Variants in CRLF3 observed in about 807,000 individuals in gnomAD.
CRLF3 encodes cytokine receptor-like factor 3.
In CRLF3, 33 loss-of-function variants were observed where a neutral mutation model predicts 55.0. The observed-to-expected ratio is 0.60, with a 90% CI of 0.46 to 0.80. CRLF3 has a LOEUF of 0.80. Among genes scored for constraint, CRLF3 ranks in the 30% least tolerant of loss-of-function variants. The pLI is 0.00. For synonymous variants in CRLF3, 238 were observed against 196.8 expected (o/e 1.21, Z -1.75); for missense variants, 494 against 538.4 (o/e 0.92, Z 0.82).
Position 30,798,592 on chromosome 17 carries a change from A to G in CRLF3, c.338-1194T>C, listed in dbSNP as rs538621765. Among the ~76,000 whole-genome samples the G allele has an allele frequency of 7.2e-5, 11 of 152,228 alleles. No homozygotes were observed. The South Asian group carries it at 2.1e-3, about 29-fold the overall frequency. ...TGTGGCTCATGCCTATAATCTCAGC[A>G]CTTTGGCAGGCTGAGGCTGGTGGGT... On this transcript the variant is annotated intron_variant, in intron 2 of 7. Coordinates refer to ENST00000324238, the MANE Select transcript of CRLF3 (RefSeq NM_015986.4).
Position 30,804,078 on chromosome 17 carries a change from C to T in CRLF3, c.160G>A (p.Val54Ile), listed in dbSNP as rs756235929. Residue 54 changes from valine to isoleucine, a missense_variant, in exon 2 of 8, where the codon GTT becomes ATT. By Grantham distance (29) the Val-to-Ile change is conservative (BLOSUM62 3). Transcript: ENST00000324238. ...IKESASQTRDVLKQHFNDLKG... is the reference protein window; with the variant it reads ...IKESASQTRDILKQHFNDLKG... ...AAATCATTAAAATGCTGTTTGAGAA[C>T]ATCCCTTGTCTGTGATGCACTTTCT... is the stretch of plus-strand genomic sequence containing the variant. The T allele has an allele frequency of 3.7e-6, 6 of 1,613,572 alleles. No individual in the cohort carries two copies. In the Admixed American group the frequency reaches 1.0e-4, roughly 27 times the overall value.
chr17:30,822,356 T>G (rs957606806), intron 1 of CRLF3, among the ~76,000 whole-genome samples: 3 of 152,148 alleles, frequency 2.0e-5, no homozygotes, highest in Admixed American at 6.6e-5. Flanking sequence ...AACCCAAACA[T>G]GCACAATCCA....
intron 2 of CRLF3, among the ~76,000 whole-genome samples, chr17:30,798,183 T>A (rs1039882278): frequency 4.0e-5 from 6 of 151,788 alleles, no homozygotes; most frequent in African/African-American, 1.5e-4. Flanking sequence ...ATCAAGACCA[T>A]CCTGGCCAAC....
chr17:30,796,593 A>G (rs1971921969), intron 3 of CRLF3, among the ~76,000 whole-genome samples: 1 of 152,234 alleles, frequency 6.6e-6, no homozygotes, highest in Non-Finnish European at 1.5e-5. Flanking sequence ...CTCCATTTCA[A>G]CAATACATTG....
rs1164221265 is a variant in CRLF3 at position 30,783,867 on chromosome 17, CT to C, written c.*319del. On this transcript the variant is annotated 3_prime_UTR_variant, in exon 8 of 8. Coordinates refer to ENST00000324238, the MANE Select transcript of CRLF3 (RefSeq NM_015986.4). ...AAAAATAATATTACATTAAGTTTTC[CT>C]GGTCTAATAACCAACTTTGAGAAGT... The C allele has an allele frequency of 9.3e-6, 2 of 215,224 alleles. No homozygotes were observed. 13.3% of individuals were successfully genotyped at this position (215,224 alleles called of 1,614,324 possible). A position where few individuals can be genotyped will look rare whatever the true frequency, so the allele number is the denominator to read the frequency against.
At chr17:30,798,381 C>T (rs540270712) in intron 2 of CRLF3, among the ~76,000 whole-genome samples, 26 of 145,948 alleles carry the variant, frequency 1.8e-4, no homozygotes, top group Admixed American at 1.5e-3. Context: ...CCGTCCCCCC[C>T]GCCAAAAAAA....
At chr17:30,794,133 C>A (rs1433131126) in intron 4 of CRLF3, among the ~76,000 whole-genome samples, 1 of 152,154 alleles carries the variant, frequency 6.6e-6, no homozygotes, top group East Asian at 1.9e-4. Context: ...TGCGCCTGGG[C>A]TCCCTTCTTT....
chr17:30,802,682 C>T (rs1286640016), intron 2 of CRLF3, among the ~76,000 whole-genome samples: 1 of 151,914 alleles, frequency 6.6e-6, no homozygotes, highest in East Asian at 1.9e-4. Context: ...TTCAGCCTCC[C>T]AAAGTGCTGG....
rs1444791202 is a variant in CRLF3, at chr17:30,782,962, ATTATTTT to A, written c.*1218_*1224del. 1 of 152,204 alleles carries A rather than the reference ATTATTTT, an allele frequency of 6.6e-6. No individual in the cohort carries two copies. Among genetic ancestry groups the A allele is most frequent in the Non-Finnish European group, 1.5e-5 (1 of 68,038 alleles). 9.4% of individuals were successfully genotyped at this position (152,204 alleles called of 1,614,324 possible). A position where few individuals can be genotyped will look rare whatever the true frequency, so the allele number is the denominator to read the frequency against. On this transcript the variant is annotated 3_prime_UTR_variant, in exon 8 of 8. Coordinates refer to ENST00000324238, the MANE Select transcript of CRLF3 (RefSeq NM_015986.4). ...AATCTGTAGGGTGGCATAGAAGACA[ATTATTTT>A]TACATATTAAAGTCCTTCAAATAAA... is the stretch of plus-strand genomic sequence containing the variant.
intron 1 of CRLF3, among the ~76,000 whole-genome samples, chr17:30,820,610 G>A (rs1482139280): frequency 6.6e-6 from 1 of 152,030 alleles, no homozygotes; most frequent in African/African-American, 2.4e-5. Flanking sequence ...TGGCCAACAT[G>A]GTGAAACCCT....
Position 30,824,654 on chromosome 17 carries a change from G to A in CRLF3, c.-3C>T. On this transcript the variant is annotated 5_prime_UTR_variant, in exon 1 of 8. Coordinates refer to ENST00000324238, the MANE Select transcript of CRLF3 (RefSeq NM_015986.4). Reference sequence around the variant, plus strand: ...TCCAGCTCCATCGCCCCCCTCATCTGGCCGCGCGGCCGGCGAAACCTAGCG... The same window carrying A: ...TCCAGCTCCATCGCCCCCCTCATCTAGCCGCGCGGCCGGCGAAACCTAGCG... 4 of 1,587,938 alleles carry A rather than the reference G, an allele frequency of 2.5e-6. No homozygotes were observed. In the South Asian group the frequency reaches 3.4e-5, roughly 13 times the overall value.
chr17:30,805,621 G>A (rs1393113424), intron 1 of CRLF3, among the ~76,000 whole-genome samples: 1 of 151,898 alleles, frequency 6.6e-6, no homozygotes, highest in African/African-American at 2.4e-5. Flanking sequence ...TGCTGAGGCA[G>A]GAGAATCGGT....
intron 6 of CRLF3, among the ~76,000 whole-genome samples, chr17:30,789,861 A>G (rs1322026457): frequency 3.3e-5 from 5 of 152,208 alleles, no homozygotes; most frequent in Admixed American, 1.3e-4. Context: ...TTGCACAGAA[A>G]TACCTTGTTC....
At chr17:30,807,835 T>C (rs567567567) in intron 1 of CRLF3, among the ~76,000 whole-genome samples, 67 of 152,264 alleles carry the variant, frequency 4.4e-4, no homozygotes, top group African/African-American at 1.2e-3. Flanking sequence ...TTCTCTCCAT[T>C]TGACATTAAC....
intron 6 of CRLF3, chr17:30,790,719 T>C (rs1170993946): frequency 3.6e-5 from 5 of 140,440 alleles, no homozygotes; most frequent in Admixed American, 1.5e-4. Flanking sequence ...AGGCTTCCAG[T>C]GATTCTCCTG....
intron 1 of CRLF3, among the ~76,000 whole-genome samples, chr17:30,816,151 ATGCACC>A (rs978318311): frequency 6.6e-6 from 1 of 151,514 alleles, no homozygotes; most frequent in Non-Finnish European, 1.5e-5. Flanking sequence ...GCATGGTGGC[ATGCACC>A]TGTAGTCCCA....
intron 1 of CRLF3, among the ~76,000 whole-genome samples, 187 bp downstream of exon 1, chr17:30,824,336 C>T (rs1213185775): frequency 6.8e-6 from 1 of 147,838 alleles, no homozygotes; most frequent in Non-Finnish European, 1.5e-5. Flanking sequence ...CCCAAAACTT[C>T]CCCTTACGAC....
rs34756112 is a variant in CRLF3, at chr17:30,785,998, A to G, written c.993T>C (p.Asp331=). The G allele has an allele frequency of 0.13, 202,513 of 1,608,996 alleles. 14,276 individuals are homozygous for G. Among genetic ancestry groups the G allele is most frequent in the South Asian group, 0.25 (22,644 of 90,690 alleles). Residue 331 remains aspartate, a synonymous_variant, in exon 7 of 8, where the codon GAT becomes GAC. Transcript: ENST00000324238. Reference sequence around the variant, plus strand: ...GTTTTTCTGCACACACTCCTATGCTATCTCTTCTGTCTGGCTGTCCCACAG... The same window carrying G: ...GTTTTTCTGCACACACTCCTATGCTGTCTCTTCTGTCTGGCTGTCCCACAG... The part of the protein sequence containing the change: ...VETVGQPDRR[D]SIGVCAEKQD...
chr17:30,793,677 G>A lies in CRLF3; in HGVS notation c.604-5C>T, dbSNP rs764987283. 3 of 1,597,698 alleles carry A rather than the reference G, an allele frequency of 1.9e-6. No individual in the cohort carries two copies. Among genetic ancestry groups the A allele is most frequent in the South Asian group, 1.1e-5 (1 of 90,338 alleles). On this transcript the variant is annotated splice_polypyrimidine_tract_variant and splice_region_variant and intron_variant, in intron 4 of 7. Transcript: ENST00000324238. ...GGCTGTAAAGTCATCATCCACCTAG[G>A]GAGAAAAGCTTTATGTTAGGTAAAA...
Sources: gnomAD v4.1 joint callset for allele counts (sites outside exome capture counted in the v4.1 genomes callset) on GRCh38, gnomAD v4.1.1 for gene constraint, MANE v1.5 for transcripts, NCBI Gene and HGNC (gene_info 2026-07-23, HGNC 2026-07-21) for gene names.